The following GRIN3A variants were observed in gnomAD, a reference collection of about 807,000 sequenced individuals.
GRIN3A encodes glutamate ionotropic receptor NMDA type subunit 3A.
Under a neutral mutation model 92.4 loss-of-function variants are expected in GRIN3A, and 47 were observed. The ratio of observed to expected loss-of-function variants is 0.51; its 90% confidence interval spans 0.40 to 0.65. The LOEUF is 0.65. GRIN3A is among the 30% of genes least tolerant of loss of function. The pLI, the probability that GRIN3A is intolerant of heterozygous loss-of-function variation, is 0.00. For synonymous variants in GRIN3A, 527 were observed against 540.6 expected (o/e 0.97, Z 0.35); for missense variants, 1,324 against 1,393.1 (o/e 0.95, Z 0.79).
At position 101,613,450 on chromosome 9, in the gene GRIN3A, C is replaced by A. The variant is rs1828396098; in HGVS notation, c.2692G>T (p.Gly898Trp). ...SELISQYKSH[G>W]FMDMLHDKWY... ...TTGTCATGGAGCATATCCATAAACC[C>A]ATGTGACTTGTATTGACTGATTAGC... The change falls in exon 6 of 9, where the codon GGG becomes TGG. Residue 898 changes from glycine to tryptophan, a missense_variant. By Grantham distance (184) the Gly-to-Trp change is radical. Transcript: ENST00000361820. 13 of 1,614,056 alleles carry A rather than the reference C, an allele frequency of 8.1e-6. No individual in the cohort carries two copies. The East Asian group carries it at 2.9e-4, about 36-fold the overall frequency.
At chr9:101,706,906 G>A (rs1829821303) in intron 1 of GRIN3A, among the ~76,000 whole-genome samples, 1 of 152,160 alleles carries the variant, frequency 6.6e-6, no homozygotes, top group Non-Finnish European at 1.5e-5. Flanking sequence ...CTCAAGTCAG[G>A]GAGATTGATC....
chr9:101,627,680 A>T (rs1828652756), intron 4 of GRIN3A, among the ~76,000 whole-genome samples: 1 of 152,208 alleles, frequency 6.6e-6, no homozygotes, highest in Non-Finnish European at 1.5e-5. Context: ...ACTTCATTGA[A>T]TTACAGGCTC....
intron 3 of GRIN3A, among the ~76,000 whole-genome samples, chr9:101,645,200 T>C (rs1264928833): frequency 1.3e-5 from 2 of 151,840 alleles, no homozygotes; most frequent in Non-Finnish European, 2.9e-5. Context: ...CTACTCTCTG[T>C]CTCCGTGAAA....
intron 3 of GRIN3A, among the ~76,000 whole-genome samples, chr9:101,648,392 T>C (rs1351781657): frequency 1.3e-5 from 2 of 152,074 alleles, no homozygotes; most frequent in Non-Finnish European, 2.9e-5. Flanking sequence ...GTGGTCTCTA[T>C]TGGAGAATGT....
At chr9:101,685,834 C>T (rs1203167044) in intron 2 of GRIN3A, among the ~76,000 whole-genome samples, 5 of 151,900 alleles carry the variant, frequency 3.3e-5, no homozygotes, top group Non-Finnish European at 7.4e-5. Context: ...TTATCTCTAT[C>T]TATCTATCAA....
At chr9:101,706,074 T>C (rs1016548283) in intron 1 of GRIN3A, among the ~76,000 whole-genome samples, 3 of 152,138 alleles carry the variant, frequency 2.0e-5, no homozygotes, top group Non-Finnish European at 4.4e-5. Context: ...GTAAGAAATA[T>C]AAGAAGCGAC....
intron 1 of GRIN3A, among the ~76,000 whole-genome samples, chr9:101,729,243 T>C (rs1299330911): frequency 1.3e-5 from 2 of 152,220 alleles, no homozygotes; most frequent in African/African-American, 4.8e-5. Flanking sequence ...TCATTTCTTG[T>C]TGTTGCTGTA....
chr9:101,667,612 A>G (rs1448402135), intron 3 of GRIN3A, among the ~76,000 whole-genome samples: 2 of 151,332 alleles, frequency 1.3e-5, no homozygotes, highest in African/African-American at 4.8e-5. Flanking sequence ...AAGAAATGGT[A>G]TAGGCCCTCC....
At chr9:101,724,589 T>C (rs1588299037) in intron 1 of GRIN3A, among the ~76,000 whole-genome samples, 1 of 152,136 alleles carries the variant, frequency 6.6e-6, no homozygotes, top group East Asian at 1.9e-4. Context: ...GCTCCACAAG[T>C]GCCGCCAAAG....
rs764756534 is a variant in GRIN3A, at chr9:101,737,641, G to A, written c.339C>T (p.Pro113=). 2 of 1,609,834 alleles carry A rather than the reference G, an allele frequency of 1.2e-6. No individual in the cohort carries two copies. The highest frequency in any genetic ancestry group is 1.3e-5 in the African/African-American group (1 of 74,978). The change falls in exon 1 of 9, where the codon CCC becomes CCT. Residue 113 remains proline (P), a synonymous_variant. Transcript: ENST00000361820. ...GGGCCTCCGCCCTGGCGCCCTCCCCGGGCTTACGGGAGCCCGGCGGCCCCC... is the reference window on the plus strand; with the variant it reads ...GGGCCTCCGCCCTGGCGCCCTCCCCAGGCTTACGGGAGCCCGGCGGCCCCC... ...HGRGPPGSRK[P]GEGARAEALW...
Position 101,670,974 on chromosome 9 carries a change from G to T in GRIN3A, c.1438C>A (p.Arg480Ser). The T allele has an allele frequency of 6.2e-7, 1 of 1,613,982 alleles. No homozygotes were observed. The highest frequency in any genetic ancestry group is 2.2e-5 in the East Asian group (1 of 44,852). ...HDPMGKPMWT[R>S]LGSWQGGKIV... ...TTTCCCCCCTGCCAGCTGCCCAAGC[G>T]GGTCCACATTGGCTTTCCCATGGGG... Residue 480 changes from arginine to serine, a missense_variant, in exon 3 of 9, where the codon CGC becomes AGC. Arg to Ser is a moderately radical substitution (Grantham distance 110, BLOSUM62 -1). Coordinates refer to ENST00000361820, the MANE Select transcript of GRIN3A (RefSeq NM_133445.3).
intron 1 of GRIN3A, among the ~76,000 whole-genome samples, chr9:101,732,844 T>G (rs893914212): frequency 7.0e-6 from 1 of 142,454 alleles, no homozygotes; most frequent in African/African-American, 2.6e-5. Flanking sequence ...AAGTACCTTC[T>G]TTTGATCTAC....
chr9:101,676,235 T>G (rs1178587130), intron 2 of GRIN3A, among the ~76,000 whole-genome samples: 2 of 151,962 alleles, frequency 1.3e-5, no homozygotes, highest in African/African-American at 4.8e-5. Flanking sequence ...ACTTCAATCA[T>G]TTTTCACTCA....
chr9:101,686,550 G>T (rs1400684707), intron 2 of GRIN3A, 46 bp downstream of exon 2: 1 of 1,608,992 alleles, frequency 6.2e-7, no homozygotes, highest in Non-Finnish European at 8.5e-7. Flanking sequence ...TTTACTCTCT[G>T]TCATGGCCCT....
intron 1 of GRIN3A, among the ~76,000 whole-genome samples, chr9:101,693,699 G>A (rs1285343609): frequency 6.6e-6 from 1 of 152,130 alleles, no homozygotes; most frequent in Admixed American, 6.6e-5. Context: ...GCTGCCCAGT[G>A]TGCACATGGC....
intron 5 of GRIN3A, among the ~76,000 whole-genome samples, chr9:101,620,232 C>T (rs10121191): frequency 0.13 from 19,694 of 152,118 alleles, 2,368 homozygotes; most frequent in African/African-American, 0.32. Flanking sequence ...AGATTTGGTG[C>T]CTGGTGAGGG....
Position 101,737,642 on chromosome 9 carries a change from G to T in GRIN3A, c.338C>A (p.Pro113His), listed in dbSNP as rs1830228830. Reference protein sequence around the residue: ...HGRGPPGSRKPGEGARAEALW... With the variant: ...HGRGPPGSRKHGEGARAEALW... ...GGCCTCCGCCCTGGCGCCCTCCCCG[G>T]GCTTACGGGAGCCCGGCGGCCCCCG... The change falls in exon 1 of 9, where the codon CCC becomes CAC. Residue 113 changes from proline to histidine, a missense_variant. Transcript: ENST00000361820. 3 of 1,609,936 alleles carry T rather than the reference G, an allele frequency of 1.9e-6. No homozygotes were observed. The highest frequency in any genetic ancestry group is 2.5e-6 in the Non-Finnish European group (3 of 1,179,158).
intron 2 of GRIN3A, among the ~76,000 whole-genome samples, chr9:101,678,551 A>C (rs951726507): frequency 1.3e-5 from 2 of 152,194 alleles, no homozygotes; most frequent in African/African-American, 4.8e-5. Flanking sequence ...TATATTAAAC[A>C]TATATGTACA....
chr9:101,641,122 A>T (rs765884675), intron 3 of GRIN3A, among the ~76,000 whole-genome samples: 9 of 152,192 alleles, frequency 5.9e-5, no homozygotes, highest in Non-Finnish European at 1.0e-4. Flanking sequence ...GAAAAAAAAT[A>T]AAAAGTTGAA....
Sources: gnomAD v4.1 joint callset for allele counts (sites outside exome capture counted in the v4.1 genomes callset) on GRCh38, gnomAD v4.1.1 for gene constraint, MANE v1.5 for transcripts, NCBI Gene and HGNC (gene_info 2026-07-23, HGNC 2026-07-21) for gene names.